The following GRM7 variants were observed in gnomAD, a reference collection of about 807,000 sequenced individuals.
The protein encoded by GRM7 is glutamate metabotropic receptor 7, also known as metabotropic glutamate receptor 7.
GRM7 carries 35 observed loss-of-function variants against 84.5 expected under a neutral mutation model. That is an observed-to-expected ratio of 0.41 (90% CI 0.32 to 0.55). The LOEUF is 0.55. GRM7 is among the 20% of genes least tolerant of loss of function. The pLI is 0.19. For synonymous variants in GRM7, 487 were observed against 455.1 expected, an observed-to-expected ratio of 1.07 and a Z score of -0.89; for missense variants, 1,003 against 1,194.6, an observed-to-expected ratio of 0.84 and a Z score of 2.36.
chr3:7,427,004 G>GC (rs1349097743), intron 5 of GRM7, among the ~76,000 whole-genome samples: 1 of 152,188 alleles, frequency 6.6e-6, no homozygotes, highest in Non-Finnish European at 1.5e-5. Flanking sequence ...CACTGAAGCA[G>GC]CATCTTTTGC....
intron 4 of GRM7, among the ~76,000 whole-genome samples, chr3:7,348,568 G>GTA (rs1692993983): frequency 6.6e-6 from 1 of 152,058 alleles, no homozygotes; most frequent in African/African-American, 2.4e-5. Flanking sequence ...TAGTAGAAGT[G>GTA]TACATCCATG....
At chr3:7,482,801 A>G (rs534113012) in intron 7 of GRM7, among the ~76,000 whole-genome samples, 1 of 152,340 alleles carries the variant, frequency 6.6e-6, no homozygotes, top group South Asian at 2.1e-4. Context: ...AGCTTTCAGA[A>G]GTGTTCTAGG....
At position 7,093,711 on chromosome 3, in the gene GRM7, AAAAG is replaced by A. The variant is rs1287857852; in HGVS notation, c.520-52740_520-52737del. ...AAAAAAAAAAAAAAAAAAAAAAAAA[AAAAG>A]GTAGTTAGTGGCCTTTGCTCTTTTA... On this transcript the variant is annotated intron_variant, in intron 1 of 9. Transcript: ENST00000357716. Among the ~76,000 whole-genome samples the A allele has an allele frequency of 1.4e-4, 11 of 79,936 alleles. 1 individual carries two copies. The highest frequency in any genetic ancestry group is 4.0e-4 in the South Asian group (1 of 2,500). The allele number at this position is 79,936 out of a possible 152,430, so 52.4% of individuals were successfully genotyped here. A position where few individuals can be genotyped will look rare whatever the true frequency, so the allele number is the denominator to read the frequency against.
At chr3:7,247,214 A>G (rs541478077) in intron 2 of GRM7, among the ~76,000 whole-genome samples, 2 of 152,248 alleles carry the variant, frequency 1.3e-5, no homozygotes, top group South Asian at 4.1e-4. Flanking sequence ...AATACATGAG[A>G]ATATATTCAT....
chr3:7,165,057 G>A (rs1173342844), intron 2 of GRM7, among the ~76,000 whole-genome samples: 2 of 152,194 alleles, frequency 1.3e-5, no homozygotes, highest in Admixed American at 6.5e-5. Flanking sequence ...ATGAGATGTG[G>A]AATGAATCCA....
At chr3:7,470,812 A>G (rs1402896796) in intron 7 of GRM7, among the ~76,000 whole-genome samples, 1 of 144,394 alleles carries the variant, frequency 6.9e-6, no homozygotes, top group Non-Finnish European at 1.5e-5. Context: ...AAATTATGAA[A>G]AGAAAGAAAG....
intron 1 of GRM7, among the ~76,000 whole-genome samples, chr3:6,880,150 G>A (rs1695455824): frequency 6.6e-6 from 1 of 152,142 alleles, no homozygotes; most frequent in Non-Finnish European, 1.5e-5. Context: ...GGGAATGAGG[G>A]GAGAATGGGT....
intron 2 of GRM7, among the ~76,000 whole-genome samples, chr3:7,217,235 G>C (rs1409905420): frequency 6.6e-6 from 1 of 152,190 alleles, no homozygotes; most frequent in Non-Finnish European, 1.5e-5. Flanking sequence ...TGAGTCTGCT[G>C]ATGTGATTCA....
At chr3:6,998,490 T>A (rs1401023590) in intron 1 of GRM7, among the ~76,000 whole-genome samples, 8 of 152,200 alleles carry the variant, frequency 5.3e-5, no homozygotes, top group Non-Finnish European at 1.2e-4. Flanking sequence ...AAAATGGTGA[T>A]CCTCTTCTCA....
At position 7,735,041 on chromosome 3, in the gene GRM7, G is replaced by A. The variant is rs192279955; in HGVS notation, c.2699-5316G>A. Among the ~76,000 whole-genome samples the A allele has an allele frequency of 7.6e-3, 1,000 of 130,850 alleles. 18 individuals carry two copies. Among genetic ancestry groups the A allele is most frequent in the African/African-American group, 0.035 (949 of 27,322 alleles). The allele number at this position is 130,850 out of a possible 152,430, so 85.8% of individuals were successfully genotyped here. A position where few individuals can be genotyped will look rare whatever the true frequency, so the allele number is the denominator to read the frequency against. ...AGGAAACAGGCCATTGACTACAGAA[G>A]TAATTACAAAAAAAAGTACTTCTTT... is the stretch of plus-strand genomic sequence containing the variant. On this transcript the variant is annotated intron_variant, in intron 9 of 9. Coordinates refer to ENST00000357716, the MANE Select transcript of GRM7 (RefSeq NM_000844.4).
chr3:7,424,190 G>A (rs1467841825), intron 5 of GRM7, among the ~76,000 whole-genome samples: 3 of 151,986 alleles, frequency 2.0e-5, no homozygotes, highest in Non-Finnish European at 4.4e-5. Context: ...ATTAAATAGA[G>A]CAATACCTGG....
chr3:6,941,810 C>G (rs1697904418), intron 1 of GRM7, among the ~76,000 whole-genome samples: 1 of 152,132 alleles, frequency 6.6e-6, no homozygotes, highest in South Asian at 2.1e-4. Context: ...TGGTATTGAT[C>G]TAGGTGCTGG....
At chr3:7,424,907 T>A (rs916085605) in intron 5 of GRM7, among the ~76,000 whole-genome samples, 4 of 152,166 alleles carry the variant, frequency 2.6e-5, no homozygotes, top group Non-Finnish European at 2.9e-5. Context: ...GCAGAGATGA[T>A]CACAACAGCC....
chr3:7,427,198 A>C (rs1389931276), intron 5 of GRM7, among the ~76,000 whole-genome samples: 1 of 152,244 alleles, frequency 6.6e-6, no homozygotes, highest in East Asian at 1.9e-4. Flanking sequence ...TGAAAATCCC[A>C]AAATTCAATA....
intron 7 of GRM7, among the ~76,000 whole-genome samples, chr3:7,528,834 CT>C (rs1700913278): frequency 6.6e-6 from 1 of 151,636 alleles, no homozygotes; most frequent in Non-Finnish European, 1.5e-5. Context: ...TTGAGAGTGC[CT>C]TTTGGTATTG....
intron 7 of GRM7, among the ~76,000 whole-genome samples, chr3:7,568,698 C>T (rs538582065): frequency 6.6e-6 from 1 of 152,246 alleles, no homozygotes; most frequent in Non-Finnish European, 1.5e-5. Context: ...GAGCAGCGGG[C>T]CGGCCCTGCC....
chr3:7,352,057 C>CCACACACACACACACA lies in GRM7; in HGVS notation c.1033+45433_1033+45448dup, dbSNP rs56873432. Among the ~76,000 whole-genome samples, 142 of 136,958 alleles carry CCACACACACACACACA rather than the reference C, an allele frequency of 1.0e-3. 1 individual carries two copies. The highest frequency in any genetic ancestry group is 3.9e-3 in the Middle Eastern group (1 of 258). 89.8% of individuals were successfully genotyped at this position (136,958 alleles called of 152,430 possible). ...TCTCTCTCTCACACACACACACACACCACACACACACACACACACACACAC... is the reference window on the plus strand; with the variant it reads ...TCTCTCTCTCACACACACACACACACCACACACACACACACACACACACACACACACACACACACAC... On this transcript the variant is annotated intron_variant, in intron 4 of 9. Coordinates refer to ENST00000357716, the MANE Select transcript of GRM7 (RefSeq NM_000844.4).
chr3:7,205,822 A>G (rs887653955), intron 2 of GRM7, among the ~76,000 whole-genome samples: 2 of 152,198 alleles, frequency 1.3e-5, no homozygotes, highest in African/African-American at 4.8e-5. Context: ...TAATATGCTA[A>G]TCGTAACCAC....
chr3:7,162,349 G>C (rs1362724059), intron 2 of GRM7, among the ~76,000 whole-genome samples: 1 of 152,084 alleles, frequency 6.6e-6, no homozygotes, highest in African/African-American at 2.4e-5. Flanking sequence ...ATGAACTAAG[G>C]CATGCCTGAA....
Sources: allele counts gnomAD v4.1 joint callset (sites outside exome capture counted in the v4.1 genomes callset), GRCh38; gene constraint gnomAD v4.1.1; transcripts MANE v1.5; gene names NCBI Gene and HGNC (gene_info 2026-07-23, HGNC 2026-07-21).